The following ANO4 variants were observed in gnomAD, a reference collection of about 807,000 sequenced individuals.
ANO4 encodes anoctamin 4.
ANO4 carries 69 observed loss-of-function variants against 141.9 expected under a neutral mutation model. The observed-to-expected ratio is 0.49, with a 90% CI of 0.40 to 0.59. ANO4 has a LOEUF of 0.59. Among genes scored for constraint, ANO4 ranks in the 20% least tolerant of loss-of-function variants. The pLI is 0.00. For missense variants in ANO4, 894 were observed against 1,162.2 expected (o/e 0.77, Z 3.36); for synonymous variants, 350 against 394.3 (o/e 0.89, Z 1.33).
chr12:100,874,304 C>T (rs980434206), intron 1 of ANO4, among the ~76,000 whole-genome samples: 5 of 152,112 alleles, frequency 3.3e-5, no homozygotes, highest in Non-Finnish European at 7.4e-5. Context: ...CCTCTGGAAC[C>T]CAGAATGGTA....
chr12:100,788,667 G>T lies in ANO4; in HGVS notation c.358+48562G>T, dbSNP rs557292932. Among the ~76,000 whole-genome samples, 22 of 152,198 alleles carry T rather than the reference G, an allele frequency of 1.4e-4. No individual in the cohort carries two copies. In the East Asian group the frequency reaches 3.9e-3, roughly 27 times the overall value. On this transcript the variant is annotated intron_variant, in intron 3 of 29. Coordinates refer to the ANO4 transcript ENST00000644049. ...GAACAGTTGCATAAACATTGGTCAC[G>T]CTGTAAATATTCAAGAAATCCATCT...
chr12:100,760,238 T>C (rs1199298571), intron 3 of ANO4, among the ~76,000 whole-genome samples: 2 of 152,256 alleles, frequency 1.3e-5, no homozygotes. Flanking sequence ...TAATATTCAT[T>C]GAATACCTAC....
At chr12:100,975,746 A>AT (rs2044154726) in intron 7 of ANO4, among the ~76,000 whole-genome samples, 2 of 151,470 alleles carry the variant, frequency 1.3e-5, no homozygotes, top group Non-Finnish European at 2.9e-5. Context: ...GGCCAATGTT[A>AT]TTTTTTTCTA....
intron 1 of ANO4, among the ~76,000 whole-genome samples, chr12:100,860,249 A>G (rs981751673): frequency 6.6e-6 from 1 of 152,178 alleles, no homozygotes; most frequent in African/African-American, 2.4e-5. Context: ...TTAGGGGGAA[A>G]TTCTGATGCT....
intron 9 of ANO4, among the ~76,000 whole-genome samples, chr12:101,033,835 AAC>A (rs1392966023): frequency 6.6e-6 from 1 of 152,228 alleles, no homozygotes; most frequent in African/African-American, 2.4e-5. Context: ...AAAGGATATA[AAC>A]AGAGACTTCT....
intron 9 of ANO4, among the ~76,000 whole-genome samples, chr12:101,029,194 A>G (rs1005388455): frequency 3.3e-5 from 5 of 152,220 alleles, no homozygotes; most frequent in Admixed American, 1.3e-4. Flanking sequence ...CTAAATATGC[A>G]AAGGAAAAAC....
intron 1 of ANO4, among the ~76,000 whole-genome samples, chr12:100,887,053 A>T (rs2039869659): frequency 6.6e-6 from 1 of 152,228 alleles, no homozygotes; most frequent in South Asian, 2.1e-4. Context: ...AAAATTTTTT[A>T]AACTACATTT....
At chr12:100,900,924 A>G (rs543808629) in intron 1 of ANO4, among the ~76,000 whole-genome samples, 8 of 152,334 alleles carry the variant, frequency 5.3e-5, no homozygotes, top group African/African-American at 1.9e-4. Flanking sequence ...AGTGTTTTAA[A>G]AAGATACACA....
Position 100,765,739 on chromosome 12 carries a change from T to C in ANO4, c.358+25634T>C, listed in dbSNP as rs1300371171. On this transcript the variant is annotated intron_variant, in intron 3 of 29. Coordinates refer to the ANO4 transcript ENST00000644049. ...GATTGATCTTTTCTATTTTTAAATT[T>C]AATTAATTAGATTTTATAAATAATA... Among the ~76,000 whole-genome samples, 4 of 151,408 alleles carry C rather than the reference T, an allele frequency of 2.6e-5. No homozygotes were observed. In the East Asian group the frequency reaches 7.7e-4, roughly 29 times the overall value.
At chr12:100,729,361 A>T (rs966167937) in intron 1 of ANO4, among the ~76,000 whole-genome samples, 1 of 66,872 alleles carries the variant, frequency 1.5e-5, no homozygotes, top group African/African-American at 7.0e-5. Flanking sequence ...ACTCTGTCTC[A>T]AAAAAAAAAA....
At chr12:101,096,992 G>C (rs1406863107) in intron 19 of ANO4, among the ~76,000 whole-genome samples, 4 of 152,136 alleles carry the variant, frequency 2.6e-5, no homozygotes, top group African/African-American at 7.2e-5. Context: ...GGAGGGGGCT[G>C]TAGCATGTCC....
chr12:100,949,743 C>T (rs1305473380), intron 5 of ANO4, among the ~76,000 whole-genome samples: 8 of 152,064 alleles, frequency 5.3e-5, no homozygotes, highest in Admixed American at 2.0e-4. Flanking sequence ...TGGAAGAACT[C>T]GGAATACATT....
chr12:100,989,239 A>G (rs1165173115), intron 8 of ANO4, among the ~76,000 whole-genome samples: 2 of 152,218 alleles, frequency 1.3e-5, no homozygotes, highest in African/African-American at 2.4e-5. Flanking sequence ...GATCCTCAAG[A>G]GAAAGTGGGA....
intron 11 of ANO4, among the ~76,000 whole-genome samples, chr12:101,040,464 G>A (rs1464494801): frequency 6.6e-6 from 1 of 152,180 alleles, no homozygotes; most frequent in African/African-American, 2.4e-5. Flanking sequence ...TAGCAAATAG[G>A]ACAAATGGAG....
Position 101,065,656 on chromosome 12 carries a change from C to T in ANO4, c.1313-13537C>T, listed in dbSNP as rs372145350. Among the ~76,000 whole-genome samples the T allele has an allele frequency of 2.6e-5, 4 of 152,136 alleles. No individual in the cohort carries two copies. In the East Asian group the frequency reaches 7.7e-4, roughly 29 times the overall value. ...TAAAGAAAAGCCCAGGACCCAATTGCTTCACTGCTGAATTCTACCAAACAT... is the reference window on the plus strand; with the variant it reads ...TAAAGAAAAGCCCAGGACCCAATTGTTTCACTGCTGAATTCTACCAAACAT... On this transcript the variant is annotated intron_variant, in intron 14 of 27. Coordinates refer to ENST00000392977, the MANE Select transcript of ANO4 (RefSeq NM_001286615.2).
chr12:100,803,120 G>C (rs1173581458), intron 1 of ANO4, among the ~76,000 whole-genome samples: 1 of 152,158 alleles, frequency 6.6e-6, no homozygotes, highest in Non-Finnish European at 1.5e-5. Context: ...AGAATTTAGA[G>C]GAACATGGGA....
At chr12:101,076,897 A>G (rs1040869666) in intron 14 of ANO4, among the ~76,000 whole-genome samples, 6 of 152,120 alleles carry the variant, frequency 3.9e-5, no homozygotes, top group Non-Finnish European at 8.8e-5. Flanking sequence ...CTGTGCAAAG[A>G]CAGTTTGGTG....
intron 17 of ANO4, among the ~76,000 whole-genome samples, chr12:101,092,151 A>G (rs649094): frequency 0.2 from 30,208 of 152,004 alleles, 3,627 homozygotes; most frequent in East Asian, 0.52. Context: ...AAAAGTTATT[A>G]TCATCCTTTT....
chr12:100,746,805 G>A (rs2032133227), intron 3 of ANO4, among the ~76,000 whole-genome samples: 1 of 152,166 alleles, frequency 6.6e-6, no homozygotes, highest in African/African-American at 2.4e-5. Context: ...CCCTCCTTTA[G>A]GGCATTCCCA....
Sources: gnomAD v4.1 joint callset for allele counts (sites outside exome capture counted in the v4.1 genomes callset) on GRCh38, gnomAD v4.1.1 for gene constraint, MANE v1.5 for transcripts, NCBI Gene and HGNC (gene_info 2026-07-23, HGNC 2026-07-21) for gene names.